The following BRCC3 variants were observed in gnomAD, a reference collection of about 807,000 sequenced individuals.
BRCC3 encodes the protein lys-63-specific deubiquitinase BRCC36.
A neutral mutation model predicts 28.0 loss-of-function variants in BRCC3; 15 were observed. The ratio of observed to expected loss-of-function variants is 0.54; its 90% CI spans 0.36 to 0.82. The LOEUF (loss-of-function observed/expected upper bound fraction) is 0.82. Ranked by LOEUF, BRCC3 falls within the 40% of genes least tolerant of loss-of-function variation. The probability of loss-of-function intolerance (pLI) is 0.01; values close to 1 mark genes in which losing one functional copy is unlikely to be tolerated. For synonymous variants in BRCC3, 66 were observed against 80.3 expected (o/e 0.82, Z 0.95); for missense variants, 109 against 225.9 (o/e 0.48, Z 3.32).
At chrX:155,115,118 T>C (rs1163653141) in intron 7 of BRCC3, among the ~76,000 whole-genome samples, 2 of 112,191 alleles carry the variant, frequency 1.8e-5, no homozygotes, top group African/African-American at 6.5e-5. Context: ...AATTTTATAT[T>C]AAGACAAACC....
intron 6 of BRCC3, among the ~76,000 whole-genome samples, chrX:155,090,394 T>G (rs1303279585): frequency 8.9e-6 from 1 of 112,683 alleles, no homozygotes; most frequent in Non-Finnish European, 1.9e-5. Context: ...AAAATCAGTT[T>G]TCCAGAAACA....
chrX:155,103,691 T>C (rs1285178946), intron 7 of BRCC3, among the ~76,000 whole-genome samples: 1 of 111,835 alleles, frequency 8.9e-6, no homozygotes, highest in Non-Finnish European at 1.9e-5. Flanking sequence ...GTATTTTTTT[T>C]CATCAAATTT....
chrX:155,081,311 G>A (rs933672222), intron 5 of BRCC3, among the ~76,000 whole-genome samples: 2 of 101,149 alleles, frequency 2.0e-5, no homozygotes, highest in Non-Finnish European at 4.0e-5. Context: ...CAGCCAGGGT[G>A]ACAGAGCGAG....
chrX:155,097,212 C>CAA (rs200199104), intron 7 of BRCC3, among the ~76,000 whole-genome samples: 1,804 of 111,573 alleles, frequency 0.016, 37 homozygotes, highest in African/African-American at 0.054. Flanking sequence ...AATGAGAAGG[C>CAA]AACCTACAGA....
chrX:155,118,619 G>T (rs1021425651), intron 9 of BRCC3, among the ~76,000 whole-genome samples: 3 of 112,561 alleles, frequency 2.7e-5, no homozygotes, highest in African/African-American at 9.7e-5. Context: ...CCTGCATTTG[G>T]TGAGGGCTTC....
At chrX:155,100,825 A>G (rs1040348523) in intron 7 of BRCC3, among the ~76,000 whole-genome samples, 1 of 112,161 alleles carries the variant, frequency 8.9e-6, no homozygotes, top group Non-Finnish European at 1.9e-5. Flanking sequence ...ATATTTGGAA[A>G]AAAACTGCAT....
At chrX:155,089,378 T>TGTGTG in intron 6 of BRCC3, 27 bp downstream of exon 6, 1 of 965,233 alleles carries the variant, frequency 1.0e-6, no homozygotes, top group South Asian at 2.2e-5. Context: ...TGTGTGTGTG[T>TGTGTG]GTGTGTGTGT....
intron 3 of BRCC3, among the ~76,000 whole-genome samples, chrX:155,074,124 C>G (rs1481948925): frequency 1.8e-5 from 2 of 112,459 alleles, no homozygotes; most frequent in Admixed American, 9.4e-5. Flanking sequence ...AGTCCTCTTC[C>G]TATCCAAAGC....
intron 7 of BRCC3, among the ~76,000 whole-genome samples, chrX:155,091,754 A>C (rs1557295698): frequency 9.0e-6 from 1 of 110,754 alleles, no homozygotes; most frequent in Non-Finnish European, 1.9e-5. Context: ...TGATTAAATA[A>C]ATTATAATAC....
At chrX:155,080,733 C>A (rs1486242562) in intron 5 of BRCC3, among the ~76,000 whole-genome samples, 1 of 111,917 alleles carries the variant, frequency 8.9e-6, no homozygotes, top group Non-Finnish European at 1.9e-5. Context: ...CAGTCACTTA[C>A]TAGTTGAGAA....
At position 155,122,194 on chromosome X, in the gene BRCC3, A is replaced by G. The variant is rs2074392462; in HGVS notation, c.*990A>G. The G allele has an allele frequency of 1.8e-5, 2 of 111,066 alleles. No individual in the cohort carries two copies. The highest frequency in any genetic ancestry group is 3.8e-5 in the Non-Finnish European group (2 of 52,991). The allele number at this position is 111,066 out of a possible 1,213,427, so 9.2% of individuals were successfully genotyped here. A position where few individuals can be genotyped will look rare whatever the true frequency, so the allele number is the denominator to read the frequency against. On this transcript the variant is annotated 3_prime_UTR_variant, in exon 11 of 11. Transcript: ENST00000330045. ...AGTCCAATTAGAAAATGGGCAAAAG[A>G]CATGAATAGATGTTTCACTGAAGAG...
At chrX:155,112,157 T>C (rs1230923142) in intron 7 of BRCC3, among the ~76,000 whole-genome samples, 1 of 112,160 alleles carries the variant, frequency 8.9e-6, no homozygotes, top group Non-Finnish European at 1.9e-5. Flanking sequence ...TTTCATCATT[T>C]CACTTAAATG....
chrX:155,098,611 T>C (rs923187378), intron 7 of BRCC3, among the ~76,000 whole-genome samples: 1 of 112,488 alleles, frequency 8.9e-6, no homozygotes, highest in Non-Finnish European at 1.9e-5. Flanking sequence ...TATGACCCCT[T>C]TCCAGCTATG....
At chrX:155,073,555 A>G (rs2074005398) in intron 3 of BRCC3, 124 bp downstream of exon 3, 2 of 814,385 alleles carry the variant, frequency 2.5e-6, no homozygotes, top group Non-Finnish European at 3.5e-6. Flanking sequence ...GTAAAATCAG[A>G]TGAAGAATCT....
At chrX:155,089,074 C>G (rs2074156297) in intron 5 of BRCC3, among the ~76,000 whole-genome samples, 189 bp from the exon 6 acceptor site, 1 of 111,350 alleles carries the variant, frequency 9.0e-6, no homozygotes, top group African/African-American at 3.3e-5. Context: ...ATAGTATTAC[C>G]CTAACCTAGC....
At chrX:155,100,588 C>T (rs5987093) in intron 7 of BRCC3, among the ~76,000 whole-genome samples, 9,762 of 111,922 alleles carry the variant, frequency 0.087, 615 homozygotes, top group African/African-American at 0.22. Flanking sequence ...ATGCACTTTT[C>T]GCAATAATGC....
chrX:155,076,133 G>A lies in BRCC3; in HGVS notation c.196-1037G>A, dbSNP rs782464582. On this transcript the variant is annotated intron_variant, in intron 3 of 10. Coordinates refer to ENST00000330045, the MANE Select transcript of BRCC3 (RefSeq NM_001018055.3). ...ACACTGTAAAGAACTCTCTGAGGCC[G>A]GGTGCGGTGGGTTATGCCTGTAATC... 2.0e-4 allele frequency among the ~76,000 whole-genome samples: 22 copies of A among 111,934 alleles called. No homozygotes were observed. In the South Asian group the frequency reaches 4.1e-3, roughly 21 times the overall value.
intron 5 of BRCC3, among the ~76,000 whole-genome samples, chrX:155,087,392 G>A (rs1297163785): frequency 8.9e-6 from 1 of 112,176 alleles, no homozygotes; most frequent in African/African-American, 3.2e-5. Flanking sequence ...GGGTCGGCTC[G>A]CTTTGGCAGG....
At chrX:155,113,201 C>T (rs2074333408) in intron 7 of BRCC3, among the ~76,000 whole-genome samples, 1 of 91,719 alleles carries the variant, frequency 1.1e-5, no homozygotes, top group Admixed American at 1.3e-4. Flanking sequence ...TACGGAATCT[C>T]GGGGGACCTT....
Sources: allele counts gnomAD v4.1 joint callset (sites outside exome capture counted in the v4.1 genomes callset), GRCh38; gene constraint gnomAD v4.1.1; transcripts MANE v1.5; gene names NCBI Gene and HGNC (gene_info 2026-07-23, HGNC 2026-07-21).